The following PSME3 variants were observed in gnomAD, a reference collection of about 807,000 sequenced individuals.
The protein encoded by PSME3 is proteasome activator subunit 3, also known as proteasome activator complex subunit 3.
Under a neutral mutation model 38.3 loss-of-function variants are expected in PSME3, and 7 were observed. The ratio of observed to expected loss-of-function variants is 0.18; its 90% CI spans 0.10 to 0.34. The LOEUF (loss-of-function observed/expected upper bound fraction) is 0.34, where lower values mean the gene tolerates loss of function less well. Among genes scored for constraint, PSME3 ranks in the 10% least tolerant of loss-of-function variants. PSME3 has a pLI of 1.00. For synonymous variants in PSME3, 108 were observed against 105.7 expected, an observed-to-expected ratio of 1.02 and a Z score of -0.13; for missense variants, 192 against 307.6, an observed-to-expected ratio of 0.62 and a Z score of 2.81.
chr17:42,834,206 A>G (rs932679012), intron 1 of PSME3, 138 bp from the exon 2 acceptor site: 23 of 1,548,888 alleles, frequency 1.5e-5, no homozygotes, highest in Non-Finnish European at 1.7e-5. Flanking sequence ...CCTCAAAAAA[A>G]TAAAGTATTT....
intron 7 of PSME3, 67 bp downstream of exon 7, chr17:42,838,866 C>CA: frequency 6.3e-7 from 1 of 1,589,556 alleles, no homozygotes; most frequent in Non-Finnish European, 8.6e-7. Context: ...CCTGCGTTAC[C>CA]TTTTTTTCCT....
At chr17:42,839,447 A>AC in intron 10 of PSME3, 67 bp downstream of exon 10, 1 of 1,319,642 alleles carries the variant, frequency 7.6e-7, no homozygotes, top group Non-Finnish European at 1.1e-6. Flanking sequence ...AGTATTGTTA[A>AC]AATTCTCTGA....
At chr17:42,840,856 G>A (rs552645975) in intron 10 of PSME3, among the ~76,000 whole-genome samples, 3 of 152,242 alleles carry the variant, frequency 2.0e-5, no homozygotes, top group East Asian at 3.9e-4. Context: ...TAAGTTGGCC[G>A]GGTGCAGTGG....
At chr17:42,839,449 A>G in intron 10 of PSME3, 69 bp downstream of exon 10, 1 of 1,331,838 alleles carries the variant, frequency 7.5e-7, no homozygotes, top group Non-Finnish European at 1.1e-6. Flanking sequence ...TATTGTTAAA[A>G]TTCTCTGAAG....
chr17:42,838,049 T>A (rs1174310962), intron 5 of PSME3, 44 bp from the exon 6 acceptor site: 1 of 1,597,658 alleles, frequency 6.3e-7, no homozygotes, highest in East Asian at 2.2e-5. Context: ...GGATGCTGTG[T>A]CCTTCCCTCT....
At chr17:42,834,164 G>T in intron 1 of PSME3, 180 bp from the exon 2 acceptor site, 2 of 1,509,284 alleles carry the variant, frequency 1.3e-6, no homozygotes, top group Non-Finnish European at 1.8e-6. Context: ...TGTCCTCAAA[G>T]CCCTGCGTTC....
At chr17:42,836,230 C>T (rs1334821405) in intron 4 of PSME3, among the ~76,000 whole-genome samples, 1 of 152,036 alleles carries the variant, frequency 6.6e-6, no homozygotes, top group Non-Finnish European at 1.5e-5. Flanking sequence ...GTCTCGAACT[C>T]CTGACCTCAG....
intron 4 of PSME3, among the ~76,000 whole-genome samples, chr17:42,836,674 C>CGCTG (rs2055467759): frequency 6.6e-6 from 1 of 151,936 alleles, no homozygotes; most frequent in Admixed American, 6.6e-5. Flanking sequence ...ATCCTCCTAC[C>CGCTG]TCAGCCTCCC....
rs1357939927 is a variant in PSME3, at chr17:42,843,166, C to T, written c.*1588C>T. On this transcript the variant is annotated 3_prime_UTR_variant, in exon 11 of 11. Transcript: ENST00000590720. ...CTGCCCCTCCTCCTCACCCTATCAC[C>T]CATGGATCGTAATGTAAAATTCTTT... 2 of 152,732 alleles carry T rather than the reference C, an allele frequency of 1.3e-5. No homozygotes were observed. The highest frequency in any genetic ancestry group is 2.9e-5 in the Non-Finnish European group (2 of 68,044). 9.5% of individuals were successfully genotyped at this position (152,732 alleles called of 1,614,324 possible).
chr17:42,841,072 G>T (rs2055526449), intron 10 of PSME3, among the ~76,000 whole-genome samples: 1 of 150,052 alleles, frequency 6.7e-6, no homozygotes, highest in African/African-American at 2.5e-5. Context: ...GGCGGAGGTT[G>T]CAGTCAGCCG....
At chr17:42,834,938 T>C (rs2055444190) in intron 4 of PSME3, 62 bp downstream of exon 4, 1 of 1,600,880 alleles carries the variant, frequency 6.2e-7, no homozygotes, top group Non-Finnish European at 8.5e-7. Context: ...TCTGTTTCCT[T>C]GTCAGTTTAA....
In PSME3 at chr17:42,834,795, C is replaced by T. The variant is rs774914548; in HGVS notation, c.162C>T (p.Asp54=). The part of the protein sequence containing the change: ...FLKEPILNIH[D]LTQIHSDMNL... ...AGGAACCAATCTTAAACATCCATGA[C>T]CTAACTCAGATCCACTCTGACATGA... Residue 54 remains aspartate, a synonymous_variant, in exon 4 of 11, where the codon GAC becomes GAT. Coordinates refer to ENST00000590720, the MANE Select transcript of PSME3 (RefSeq NM_005789.4). 8.7e-6 allele frequency: 14 copies of T among 1,614,094 alleles called. No individual in the cohort carries two copies. The highest frequency in any genetic ancestry group is 2.2e-5 in the East Asian group (1 of 44,866).
At position 42,834,801 on chromosome 17, in the gene PSME3, T is replaced by G. The variant is rs762263746; in HGVS notation, c.168T>G (p.Thr56=). The stretch of plus-strand genomic sequence containing the variant: ...CAATCTTAAACATCCATGACCTAAC[T>G]CAGATCCACTCTGACATGAATCTCC... ...KEPILNIHDL[T]QIHSDMNLPV... is the part of the protein sequence containing the mutation. The change falls in exon 4 of 11, where the codon ACT becomes ACG. Residue 56 remains threonine (T), a synonymous_variant. Transcript: ENST00000590720. 1 of 1,614,144 alleles carries G rather than the reference T, an allele frequency of 6.2e-7. No homozygotes were observed. The highest frequency in any genetic ancestry group is 1.7e-5 in the Admixed American group (1 of 60,014).
chr17:42,839,394 GT>G lies in PSME3; in HGVS notation c.684+15del. ...AGGAATCAATATGTGAGTAATCTCA[GT>G]CCTTGTCCATAGTTGCTGTGGCTTC... On this transcript the variant is annotated intron_variant, in intron 10 of 10. Coordinates refer to ENST00000590720, the MANE Select transcript of PSME3 (RefSeq NM_005789.4). The G allele has an allele frequency of 6.3e-7, 1 of 1,577,320 alleles. No homozygotes were observed. The highest frequency in any genetic ancestry group is 8.7e-7 in the Non-Finnish European group (1 of 1,147,900).
rs2055533446 is a variant in PSME3, at chr17:42,841,482, A to G, written c.685-16A>G. The G allele has an allele frequency of 6.5e-7, 1 of 1,549,780 alleles. No homozygotes were observed. Among genetic ancestry groups the G allele is most frequent in the Non-Finnish European group, 8.9e-7 (1 of 1,128,456 alleles). On this transcript the variant is annotated splice_polypyrimidine_tract_variant and intron_variant, in intron 10 of 10. Transcript: ENST00000590720. ...GTTGTACAGATATGTGATTCCCCTG[A>G]TCCCTCTTCTCTCAGGTCACTCTAC...
At position 42,838,213 on chromosome 17, in the gene PSME3, A is replaced by G. The variant is rs1367261935; in HGVS notation, c.405+8A>G. 6.2e-7 allele frequency: 1 copy of G among 1,613,700 alleles called. No individual in the cohort carries two copies. Among genetic ancestry groups the G allele is most frequent in the South Asian group, 1.1e-5 (1 of 91,050 alleles). The stretch of plus-strand genomic sequence containing the variant: ...ATTGAGAAATGTAACACGGTGAGGC[A>G]CAGGCTGGTGACCTATGGGCCGGCC... On this transcript the variant is annotated splice_region_variant and intron_variant, in intron 6 of 10. Coordinates refer to ENST00000590720, the MANE Select transcript of PSME3 (RefSeq NM_005789.4).
chr17:42,834,754 G>C lies in PSME3; in HGVS notation c.139-18G>C, dbSNP rs1277751514. 3 of 1,609,430 alleles carry C rather than the reference G, an allele frequency of 1.9e-6. No homozygotes were observed. Among genetic ancestry groups the C allele is most frequent in the Non-Finnish European group, 2.6e-6 (3 of 1,176,414 alleles). On this transcript the variant is annotated intron_variant, in intron 3 of 10. Coordinates refer to ENST00000590720, the MANE Select transcript of PSME3 (RefSeq NM_005789.4). ...TTCAGCTTGAAAAGATTAATGTTTT[G>C]GGGTGGGTGTCTTTCAGGAACCAAT...
rs1597950628 is a variant in PSME3 at position 42,833,474 on chromosome 17, C to G, written c.-158C>G. On this transcript the variant is annotated 5_prime_UTR_variant, in exon 1 of 11. Coordinates refer to ENST00000590720, the MANE Select transcript of PSME3 (RefSeq NM_005789.4). Reference sequence around the variant, plus strand: ...AGGCAGCAGGCTGCCGGCGGGCGGGCGGACGGCACAGAGGGAGGGAGCGAG... The same window carrying G: ...AGGCAGCAGGCTGCCGGCGGGCGGGGGGACGGCACAGAGGGAGGGAGCGAG... 1.2e-6 allele frequency: 1 copy of G among 830,560 alleles called. No individual in the cohort carries two copies. Among genetic ancestry groups the G allele is most frequent in the Non-Finnish European group, 1.9e-6 (1 of 536,632 alleles). 51.4% of individuals were successfully genotyped at this position (830,560 alleles called of 1,614,324 possible).
intron 6 of PSME3, 109 bp downstream of exon 6, chr17:42,838,314 A>G: frequency 6.7e-7 from 1 of 1,487,870 alleles, no homozygotes; most frequent in South Asian, 1.4e-5. Context: ...GGTTTTTTTG[A>G]GTTTTTTTTT....
Sources: gnomAD v4.1 joint callset for allele counts (sites outside exome capture counted in the v4.1 genomes callset) on GRCh38, gnomAD v4.1.1 for gene constraint, MANE v1.5 for transcripts, NCBI Gene and HGNC (gene_info 2026-07-23, HGNC 2026-07-21) for gene names.